The following MFSD2A variants were observed in gnomAD, a reference collection of about 807,000 sequenced individuals.
MFSD2A encodes sodium-dependent lysophosphatidylcholine symporter 1.
Under a neutral mutation model 64.7 loss-of-function variants are expected in MFSD2A, and 27 were observed. That is an observed-to-expected ratio of 0.42 (90% CI 0.31 to 0.58). MFSD2A has a LOEUF of 0.58. Among genes scored for constraint, MFSD2A ranks in the 20% least tolerant of loss-of-function variants. The pLI is 0.18. For missense variants in MFSD2A, 474 were observed against 679.5 expected (o/e 0.70, Z 3.36); for synonymous variants, 258 against 273.4 (o/e 0.94, Z 0.55).
chr1:39,968,233 TGTACCCATG>T lies in MFSD2A; in HGVS notation c.1209-96_1209-88del. On this transcript the variant is annotated intron_variant, in intron 11 of 13. Transcript: ENST00000372811. This position sits in a 1 kb window ranked among gnomAD's most constrained non-coding sequence, Gnocchi z 4.4. ...AAGGTCCCATATCCTCACTGAGCTG[TGTACCCATG>T]GTACTGCAAGCTTCCAGAGGGCCAC... 1 of 1,411,424 alleles carries T rather than the reference TGTACCCATG, an allele frequency of 7.1e-7. No individual in the cohort carries two copies. The highest frequency in any genetic ancestry group is 9.9e-7 in the Non-Finnish European group (1 of 1,008,788). The allele number at this position is 1,411,424 out of a possible 1,614,324, so 87.4% of individuals were successfully genotyped here.
chr1:39,959,154 A>T (rs1644984197), intron 3 of MFSD2A, among the ~76,000 whole-genome samples: 1 of 151,964 alleles, frequency 6.6e-6, no homozygotes, highest in African/African-American at 2.4e-5. Context: ...GGTAGTACTT[A>T]AGAGTGGTTA....
intron 1 of MFSD2A, among the ~76,000 whole-genome samples, chr1:39,956,543 C>T (rs1644932330): frequency 6.6e-6 from 1 of 152,136 alleles, no homozygotes; most frequent in South Asian, 2.1e-4. Context: ...GGAGCAGTGC[C>T]TGAGGCCTTG....
rs141881112 is a variant in MFSD2A, at chr1:39,959,681, A to C, written c.353+856A>C. Among the ~76,000 whole-genome samples the C allele has an allele frequency of 9.5e-5, 11 of 116,068 alleles. No homozygotes were observed. In the East Asian group the frequency reaches 2.8e-3, roughly 29 times the overall value. 76.1% of individuals were successfully genotyped at this position (116,068 alleles called of 152,430 possible). On this transcript the variant is annotated intron_variant, in intron 3 of 13. Transcript: ENST00000372811. ...TCTCACACTCACAGAGTTGTGGTGGATTAATTTTTTTTTTTGACGTTCTTA... is the reference window on the plus strand; with the variant it reads ...TCTCACACTCACAGAGTTGTGGTGGCTTAATTTTTTTTTTTGACGTTCTTA...
rs538532091 is a variant in MFSD2A, at chr1:39,963,845, C to T, written c.354-1366C>T. ...TGCCTCCCGGGTTCAAGTGATTCTC[C>T]CGCTTCAGCCTCCCGAGGAGCTGGG... On this transcript the variant is annotated intron_variant, in intron 3 of 13. Coordinates refer to ENST00000372811, the MANE Select transcript of MFSD2A (RefSeq NM_032793.5). This position sits in a 1 kb window ranked among gnomAD's most constrained non-coding sequence, Gnocchi z 4.2. 1.3e-5 allele frequency among the ~76,000 whole-genome samples: 2 copies of T among 152,316 alleles called. No individual in the cohort carries two copies. The highest frequency in any genetic ancestry group is 6.5e-5 in the Admixed American group (1 of 15,302).
At position 39,966,583 on chromosome 1, in the gene MFSD2A, G is replaced by A. The variant is rs1413404398; in HGVS notation, c.715-18G>A. On this transcript the variant is annotated intron_variant, in intron 6 of 13. Coordinates refer to ENST00000372811, the MANE Select transcript of MFSD2A (RefSeq NM_032793.5). ...CTCAAACTGACCATCCTTGTATGTC[G>A]CCTTCACCTCCTTATAGCAAAAGGC... 3.1e-6 allele frequency: 5 copies of A among 1,599,860 alleles called. No individual in the cohort carries two copies. The highest frequency in any genetic ancestry group is 1.3e-5 in the African/African-American group (1 of 74,754).
rs759265837 is a variant in MFSD2A at position 39,969,725 on chromosome 1, G to A, written c.*157G>A. On this transcript the variant is annotated 3_prime_UTR_variant, in exon 14 of 14. Transcript: ENST00000372811. ...CACTTGCTGTGCTCACTGTGGGGCC[G>A]GCTGCTCTGTGGCCTCCTGCCTCCC... The A allele has an allele frequency of 2.9e-4, 207 of 709,542 alleles. No individual in the cohort carries two copies. Among genetic ancestry groups the A allele is most frequent in the Non-Finnish European group, 4.2e-4 (181 of 433,398 alleles). 44.0% of individuals were successfully genotyped at this position (709,542 alleles called of 1,614,324 possible). A position where few individuals can be genotyped will look rare whatever the true frequency, so the allele number is the denominator to read the frequency against.
rs750773568 is a variant in MFSD2A, at chr1:39,968,711, C to T, written c.1495C>T (p.Arg499Trp). 4.3e-6 allele frequency: 7 copies of T among 1,613,930 alleles called. No homozygotes were observed. Among genetic ancestry groups the T allele is most frequent in the Non-Finnish European group, 5.9e-6 (7 of 1,179,994 alleles). The change falls in exon 13 of 14, where the codon CGG becomes TGG. Residue 499 changes from arginine (R) to tryptophan (W), a missense_variant. By Grantham distance (101) the Arg-to-Trp change is moderately radical (BLOSUM62 -3). Transcript: ENST00000372811. This position sits in a 1 kb window ranked among gnomAD's most constrained non-coding sequence, Gnocchi z 4.4. ...AATGTACCCCATTGATGAGGAGAGG[C>T]GGCGGCAGAATAAGAAGGCCCTGCA... is the stretch of plus-strand genomic sequence containing the variant. ...FKMYPIDEER[R>W]RQNKKALQAL...
rs913796294 is a variant in MFSD2A at position 39,958,394 on chromosome 1, G to T, written c.229-307G>T. Among the ~76,000 whole-genome samples the T allele has an allele frequency of 6.6e-6, 1 of 152,158 alleles. No individual in the cohort carries two copies. Among genetic ancestry groups the T allele is most frequent in the Non-Finnish European group, 1.5e-5 (1 of 68,026 alleles). ...TGGTCAGGAGCTCAGGGCTGAGAGA[G>T]GGAGGGAAGGAAATGTTTGTGGATT... is the stretch of plus-strand genomic sequence containing the variant. On this transcript the variant is annotated intron_variant, in intron 2 of 13. Transcript: ENST00000372811. The surrounding 1 kb of genome is among the most constrained non-coding windows in gnomAD (Gnocchi z 4.7).
chr1:39,961,685 A>C (rs1254251296), intron 3 of MFSD2A, among the ~76,000 whole-genome samples: 1 of 150,714 alleles, frequency 6.6e-6, no homozygotes, highest in Non-Finnish European at 1.5e-5. Context: ...AAACAAAAAA[A>C]CACATATATA....
intron 3 of MFSD2A, among the ~76,000 whole-genome samples, chr1:39,959,250 C>CTT (rs747125051): frequency 7.0e-6 from 1 of 142,040 alleles, no homozygotes; most frequent in Non-Finnish European, 1.5e-5. Flanking sequence ...ATCTTTCTTT[C>CTT]TTTTTTTTTT....
chr1:39,965,649 T>G lies in MFSD2A; in HGVS notation c.556+100T>G. 3.7e-6 allele frequency: 5 copies of G among 1,340,538 alleles called. No homozygotes were observed. The highest frequency in any genetic ancestry group is 1.4e-5 in the African/African-American group (1 of 69,192). 83.0% of individuals were successfully genotyped at this position (1,340,538 alleles called of 1,614,324 possible). A position where few individuals can be genotyped will look rare whatever the true frequency, so the allele number is the denominator to read the frequency against. ...TCTTTGCTCTGCTCTAGAGTGTGGG[T>G]GTGAAACCATCTTAAAAATAACTCA... On this transcript the variant is annotated intron_variant, in intron 5 of 13. Transcript: ENST00000372811. This position sits in a 1 kb window ranked among gnomAD's most constrained non-coding sequence, Gnocchi z 5.5.
Position 39,963,010 on chromosome 1 carries a change from T to C in MFSD2A, c.354-2201T>C. 6.7e-7 allele frequency: 1 copy of C among 1,485,818 alleles called. No homozygotes were observed. Among genetic ancestry groups the C allele is most frequent in the East Asian group, 2.3e-5 (1 of 43,546 alleles). The allele number at this position is 1,485,818 out of a possible 1,614,324, so 92.0% of individuals were successfully genotyped here. A position where few individuals can be genotyped will look rare whatever the true frequency, so the allele number is the denominator to read the frequency against. On this transcript the variant is annotated intron_variant, in intron 3 of 13. Transcript: ENST00000372811. This position sits in a 1 kb window ranked among gnomAD's most constrained non-coding sequence, Gnocchi z 4.2. Reference sequence around the variant, plus strand: ...GTGGCCACCGCCATCCGTGGGGCCATCATCCTGGCCAAGCTCTCCATTGTC... The same window carrying C: ...GTGGCCACCGCCATCCGTGGGGCCACCATCCTGGCCAAGCTCTCCATTGTC...
In MFSD2A at chr1:39,964,975, C is replaced by A. The variant is rs1361695460; in HGVS notation, c.354-236C>A. 2 of 581,088 alleles carry A rather than the reference C, an allele frequency of 3.4e-6. No individual in the cohort carries two copies. The highest frequency in any genetic ancestry group is 6.1e-6 in the Non-Finnish European group (2 of 327,156). 36.0% of individuals were successfully genotyped at this position (581,088 alleles called of 1,614,324 possible). ...CTCTGGACTAGACTCAGGCTCTGAC[C>A]TCACACTCCATGCCTAGGATTTCAG... On this transcript the variant is annotated intron_variant, in intron 3 of 13. Coordinates refer to ENST00000372811, the MANE Select transcript of MFSD2A (RefSeq NM_032793.5). This position sits in a 1 kb window ranked among gnomAD's most constrained non-coding sequence, Gnocchi z 4.1.
Position 39,968,433 on chromosome 1 carries a change from G to A in MFSD2A, c.1308G>A (p.Lys436=). Residue 436 remains lysine, a synonymous_variant, in exon 12 of 14, where the codon AAG becomes AAA. Transcript: ENST00000372811. The surrounding 1 kb of genome is among the most constrained non-coding windows in gnomAD (Gnocchi z 4.4). ...IFFSFYVFFT[K]FASGVSLGIS... ...TCTCCTTCTATGTCTTCTTCACCAA[G>A]TTTGCCTCTGGAGTGTCACTGGGCA... 1 of 1,614,158 alleles carries A rather than the reference G, an allele frequency of 6.2e-7. No individual in the cohort carries two copies. Among genetic ancestry groups the A allele is most frequent in the Non-Finnish European group, 8.5e-7 (1 of 1,180,020 alleles).
chr1:39,956,325 C>T (rs1376167700), intron 1 of MFSD2A, among the ~76,000 whole-genome samples: 1 of 152,228 alleles, frequency 6.6e-6, no homozygotes, highest in Non-Finnish European at 1.5e-5. Flanking sequence ...GGTGGAACAG[C>T]TGCGCCTGCA....
intron 3 of MFSD2A, among the ~76,000 whole-genome samples, chr1:39,962,515 GT>G (rs1219786761): frequency 6.6e-6 from 1 of 152,244 alleles, no homozygotes; most frequent in Non-Finnish European, 1.5e-5. Context: ...TTTAAAAAAT[GT>G]TTACGAGCTT....
chr1:39,963,612 C>T lies in MFSD2A; in HGVS notation c.354-1599C>T, dbSNP rs535425119. On this transcript the variant is annotated intron_variant, in intron 3 of 13. Coordinates refer to ENST00000372811, the MANE Select transcript of MFSD2A (RefSeq NM_032793.5). This position sits in a 1 kb window ranked among gnomAD's most constrained non-coding sequence, Gnocchi z 4.2. ...GTGTACAGTTCAGTGGCATTAAATA[C>T]ATTCACTTTGGTTTTTTTGTTTTTG... Among the ~76,000 whole-genome samples the T allele has an allele frequency of 8.5e-5, 13 of 152,102 alleles. No homozygotes were observed. Among genetic ancestry groups the T allele is most frequent in the Non-Finnish European group, 1.6e-4 (11 of 68,026 alleles).
chr1:39,955,967 A>G lies in MFSD2A; in HGVS notation c.93+582A>G, dbSNP rs530117169. ...CCCTGGGGACTTATTGAAGGACCAAATAAAATGAGGCGGCCCCCTAGGAAA... is the reference window on the plus strand; with the variant it reads ...CCCTGGGGACTTATTGAAGGACCAAGTAAAATGAGGCGGCCCCCTAGGAAA... On this transcript the variant is annotated intron_variant, in intron 1 of 13. Coordinates refer to ENST00000372811, the MANE Select transcript of MFSD2A (RefSeq NM_032793.5). This position sits in a 1 kb window ranked among gnomAD's most constrained non-coding sequence, Gnocchi z 5.9. Among the ~76,000 whole-genome samples, 14 of 152,328 alleles carry G rather than the reference A, an allele frequency of 9.2e-5. No individual in the cohort carries two copies. Among genetic ancestry groups the G allele is most frequent in the Non-Finnish European group, 1.8e-4 (12 of 68,036 alleles).
rs1426071806 is a variant in MFSD2A, at chr1:39,969,474, T to A, written c.1530-31T>A. 4 of 1,587,246 alleles carry A rather than the reference T, an allele frequency of 2.5e-6. No individual in the cohort carries two copies. In the Admixed American group the frequency reaches 7.2e-5, roughly 28 times the overall value. ...CTGAGGAGGGGTAAGGATGGATGCT[T>A]CCTCCAACCCATCTCCTCTCTCTCT... On this transcript the variant is annotated intron_variant, in intron 13 of 13. Coordinates refer to ENST00000372811, the MANE Select transcript of MFSD2A (RefSeq NM_032793.5).
Sources: gnomAD v4.1 joint callset for allele counts (sites outside exome capture counted in the v4.1 genomes callset) on GRCh38, gnomAD v4.1.1 for gene constraint, Gnocchi (gnomAD v3.1) non-coding constraint, MANE v1.5 for transcripts, NCBI Gene and HGNC (gene_info 2026-07-23, HGNC 2026-07-21) for gene names.